ERC2: variants seen among roughly 807,000 people sequenced by gnomAD.
The protein encoded by ERC2 is ELKS/RAB6-interacting/CAST family member 2.
In ERC2, 42 loss-of-function variants were observed where a neutral mutation model predicts 114.8. The observed-to-expected ratio is 0.37, with a 90% CI of 0.29 to 0.47. The LOEUF is 0.47. ERC2 is among the 20% of genes least tolerant of loss of function. The pLI, the probability that ERC2 is intolerant of heterozygous loss-of-function variation, is 0.99. For synonymous variants in ERC2, 454 were observed against 425.5 expected (o/e 1.07, Z -0.82); for missense variants, 939 against 1,150.7 (o/e 0.82, Z 2.66).
chr3:55,706,801 C>T (rs754980647), intron 15 of ERC2, among the ~76,000 whole-genome samples: 1 of 152,164 alleles, frequency 6.6e-6, no homozygotes, highest in African/African-American at 2.4e-5. Flanking sequence ...ACAGGACTAA[C>T]ACACCTGTGA....
At chr3:55,752,983 T>C (rs2066812225) in intron 14 of ERC2, among the ~76,000 whole-genome samples, 1 of 152,160 alleles carries the variant, frequency 6.6e-6, no homozygotes, top group Admixed American at 6.5e-5. Context: ...TTTATTTCAT[T>C]TGATTGTATA....
At chr3:56,037,361 A>G (rs1389395815) in intron 7 of ERC2, among the ~76,000 whole-genome samples, 2 of 152,234 alleles carry the variant, frequency 1.3e-5, no homozygotes, top group Non-Finnish European at 2.9e-5. Flanking sequence ...AACATAAATG[A>G]CTTGATAGAG....
At chr3:55,761,794 T>G (rs1236717393) in intron 14 of ERC2, among the ~76,000 whole-genome samples, 1 of 149,542 alleles carries the variant, frequency 6.7e-6, no homozygotes, top group South Asian at 2.1e-4. Context: ...GAGAATGGCA[T>G]GAACCCGAGA....
chr3:56,080,337 T>C (rs1464493309), intron 7 of ERC2, among the ~76,000 whole-genome samples: 1 of 152,180 alleles, frequency 6.6e-6, no homozygotes, highest in Non-Finnish European at 1.5e-5. Flanking sequence ...GGAATTATTA[T>C]ACATTCTTTC....
At chr3:55,606,287 C>G (rs2058638335) in intron 17 of ERC2, among the ~76,000 whole-genome samples, 1 of 152,136 alleles carries the variant, frequency 6.6e-6, no homozygotes, top group Admixed American at 6.5e-5. Flanking sequence ...TCATATAGGG[C>G]TAGTGAAATC....
At chr3:56,371,092 C>T (rs1170145865) in intron 2 of ERC2, among the ~76,000 whole-genome samples, 1 of 152,280 alleles carries the variant, frequency 6.6e-6, no homozygotes, top group African/African-American at 2.4e-5. Context: ...AGTGAAGATT[C>T]AGATTCTGGC....
At chr3:55,697,370 A>C (rs1045702053) in intron 16 of ERC2, among the ~76,000 whole-genome samples, 4 of 152,234 alleles carry the variant, frequency 2.6e-5, no homozygotes, top group Non-Finnish European at 5.9e-5. Context: ...TCCTAACAGT[A>C]GCAGTGAGAA....
intron 7 of ERC2, among the ~76,000 whole-genome samples, chr3:56,051,826 A>AACAC (rs370057271): frequency 0.01 from 1,342 of 130,048 alleles, 20 homozygotes; most frequent in African/African-American, 0.026. Context: ...CTCCATCTCA[A>AACAC]ACACACACAC....
intron 3 of ERC2, among the ~76,000 whole-genome samples, chr3:56,189,209 G>C (rs1183614652): frequency 6.6e-6 from 1 of 152,182 alleles, no homozygotes; most frequent in Non-Finnish European, 1.5e-5. Context: ...GAATGAATCT[G>C]TTTCTTTCTT....
intron 14 of ERC2, among the ~76,000 whole-genome samples, chr3:55,846,683 CTCTCTCTCTT>C (rs1385237761): frequency 7.5e-6 from 1 of 132,602 alleles, no homozygotes; most frequent in Non-Finnish European, 1.6e-5. Flanking sequence ...CTCTCTCTCT[CTCTCTCTCTT>C]TCTCTCTCTC....
chr3:56,318,378 T>C (rs1448561918), intron 2 of ERC2, among the ~76,000 whole-genome samples: 1 of 152,090 alleles, frequency 6.6e-6, no homozygotes, highest in African/African-American at 2.4e-5. Context: ...GGTTTCACCA[T>C]GTTGCCCAAA....
chr3:56,138,954 C>T (rs1408410648), intron 6 of ERC2, among the ~76,000 whole-genome samples: 1 of 152,126 alleles, frequency 6.6e-6, no homozygotes, highest in Non-Finnish European at 1.5e-5. Flanking sequence ...CAACTTTCTT[C>T]AATGGGTAAA....
chr3:56,440,259 T>C (rs1331117312), intron 1 of ERC2, among the ~76,000 whole-genome samples: 1 of 152,068 alleles, frequency 6.6e-6, no homozygotes. Flanking sequence ...TAAAACTGAA[T>C]GCGGCCGGGC....
chr3:56,398,144 T>C lies in ERC2; in HGVS notation c.657+36207A>G, dbSNP rs865846777. 6.6e-5 allele frequency among the ~76,000 whole-genome samples: 10 copies of C among 152,346 alleles called. 2 individuals are homozygous for C. The South Asian group carries it at 1.7e-3, about 25-fold the overall frequency. ...ATGTGGGGGAAAATAGAATTGGAAA[T>C]AATACAGTCTCTCATAAGTTACTTC... is the stretch of plus-strand genomic sequence containing the variant. On this transcript the variant is annotated intron_variant, in intron 2 of 17. Coordinates refer to ENST00000288221, the MANE Select transcript of ERC2 (RefSeq NM_015576.3).
intron 2 of ERC2, among the ~76,000 whole-genome samples, chr3:56,358,548 G>A (rs963182592): frequency 1.3e-5 from 2 of 152,220 alleles, no homozygotes; most frequent in Admixed American, 6.5e-5. Flanking sequence ...GGTACGTAAT[G>A]CAACTATCAC....
chr3:55,944,992 G>T (rs2067039465), intron 13 of ERC2, among the ~76,000 whole-genome samples: 1 of 152,118 alleles, frequency 6.6e-6, no homozygotes, highest in African/African-American at 2.4e-5. Flanking sequence ...AATGTGATAG[G>T]ATTTATCCAT....
At chr3:55,826,030 A>G (rs1575731863) in intron 14 of ERC2, among the ~76,000 whole-genome samples, 1 of 149,558 alleles carries the variant, frequency 6.7e-6, no homozygotes, top group African/African-American at 2.5e-5. Flanking sequence ...AAGGAGGAAG[A>G]GAGGAAGGAA....
At chr3:56,174,577 A>G (rs1289407669) in intron 3 of ERC2, among the ~76,000 whole-genome samples, 1 of 152,190 alleles carries the variant, frequency 6.6e-6, no homozygotes, top group Non-Finnish European at 1.5e-5. Context: ...TTTTTAAAAA[A>G]GGAGTTAAAA....
chr3:55,565,696 A>C (rs2056323002), intron 17 of ERC2, among the ~76,000 whole-genome samples: 1 of 152,256 alleles, frequency 6.6e-6, no homozygotes, highest in African/African-American at 2.4e-5. Flanking sequence ...CTTGGCCGTA[A>C]GTCACTCTTT....
Sources: gnomAD v4.1 joint callset for allele counts (sites outside exome capture counted in the v4.1 genomes callset) on GRCh38, gnomAD v4.1.1 for gene constraint, MANE v1.5 for transcripts, NCBI Gene and HGNC (gene_info 2026-07-23, HGNC 2026-07-21) for gene names.